MEI4: variants seen among roughly 807,000 people sequenced by gnomAD.
MEI4 encodes the protein meiotic double-stranded break formation protein 4.
In MEI4, 27 loss-of-function variants were observed where a neutral mutation model predicts 31.4. That is an observed-to-expected ratio of 0.86 (90% confidence interval 0.63 to 1.19). The LOEUF (loss-of-function observed/expected upper bound fraction) is 1.19. Ranked by LOEUF, MEI4 falls within the 50% of genes most tolerant of loss-of-function variation. The probability of loss-of-function intolerance (pLI) is 0.00; values close to 1 mark genes in which losing one functional copy is unlikely to be tolerated. For synonymous variants in MEI4, 122 were observed against 145.4 expected (o/e 0.84, Z 1.16); for missense variants, 329 against 398.9 (o/e 0.82, Z 1.49).
At chr6:77,854,552 T>C (rs9341700) in intron 4 of MEI4, among the ~76,000 whole-genome samples, 21,256 of 151,674 alleles carry the variant, frequency 0.14, 1,774 homozygotes, top group East Asian at 0.39. Context: ...GAGATAAAGA[T>C]AAGAAGGAGG....
intron 2 of MEI4, among the ~76,000 whole-genome samples, chr6:77,737,285 GTT>G (rs1767275484): frequency 6.6e-6 from 1 of 152,212 alleles, no homozygotes; most frequent in Non-Finnish European, 1.5e-5. Context: ...GTTTAGAATT[GTT>G]TGGGAGAGGG....
chr6:77,704,283 G>T (rs923902458), intron 2 of MEI4, among the ~76,000 whole-genome samples: 1 of 152,040 alleles, frequency 6.6e-6, no homozygotes, highest in Non-Finnish European at 1.5e-5. Context: ...AGAAATCTGT[G>T]TCCTGGCCCC....
At chr6:77,775,048 A>T (rs1768404145) in intron 3 of MEI4, among the ~76,000 whole-genome samples, 1 of 151,938 alleles carries the variant, frequency 6.6e-6, no homozygotes, top group African/African-American at 2.4e-5. Flanking sequence ...TCTTCACATA[A>T]TCTCCACCAT....
At chr6:77,911,986 T>C (rs1026839647) in intron 4 of MEI4, among the ~76,000 whole-genome samples, 4 of 151,970 alleles carry the variant, frequency 2.6e-5, no homozygotes, top group Non-Finnish European at 4.4e-5. Context: ...CTTTAATTGA[T>C]CTTGAGTTGA....
intron 2 of MEI4, among the ~76,000 whole-genome samples, chr6:77,744,424 G>C (rs1183246685): frequency 1.3e-5 from 2 of 152,038 alleles, no homozygotes; most frequent in Non-Finnish European, 2.9e-5. Flanking sequence ...AGAGAAAAAA[G>C]AATAAAAAGA....
intron 3 of MEI4, among the ~76,000 whole-genome samples, chr6:77,771,064 C>A (rs1228309541): frequency 1.3e-5 from 2 of 151,828 alleles, no homozygotes; most frequent in Non-Finnish European, 2.9e-5. Context: ...TATCCAGAGC[C>A]TATAAGGAAC....
chr6:77,677,035 T>C (rs1444503367), intron 1 of MEI4, among the ~76,000 whole-genome samples: 2 of 152,182 alleles, frequency 1.3e-5, no homozygotes, highest in Non-Finnish European at 2.9e-5. Flanking sequence ...TAATGGTCTA[T>C]AGAGAGGCAA....
At chr6:77,907,487 A>G (rs1361040866) in intron 4 of MEI4, among the ~76,000 whole-genome samples, 1 of 152,168 alleles carries the variant, frequency 6.6e-6, no homozygotes, top group Non-Finnish European at 1.5e-5. Flanking sequence ...TTACAGCTGC[A>G]TAGTATTCCA....
intron 2 of MEI4, among the ~76,000 whole-genome samples, chr6:77,735,300 T>G (rs1164257187): frequency 6.6e-6 from 1 of 151,918 alleles, no homozygotes; most frequent in Non-Finnish European, 1.5e-5. Context: ...TCTTTTCACA[T>G]AGTCCCATAT....
chr6:77,889,356 G>A (rs573044274), intron 4 of MEI4, among the ~76,000 whole-genome samples: 140 of 152,288 alleles, frequency 9.2e-4, no homozygotes, highest in Non-Finnish European at 1.7e-3. Flanking sequence ...CTCATATGGA[G>A]ATGAGGAACT....
intron 4 of MEI4, among the ~76,000 whole-genome samples, chr6:77,854,430 CTTT>C (rs35183582): frequency 2.1e-5 from 3 of 142,380 alleles, no homozygotes; most frequent in African/African-American, 2.5e-5. Context: ...TTATAGATGC[CTTT>C]TTTTTTTTTT....
At chr6:77,821,799 C>CAAAAAAA (rs34905460) in intron 3 of MEI4, among the ~76,000 whole-genome samples, 1 of 93,066 alleles carries the variant, frequency 1.1e-5, no homozygotes, top group African/African-American at 4.3e-5. Flanking sequence ...GCCATCTCTC[C>CAAAAAAA]AAAAAAAAAA....
intron 2 of MEI4, among the ~76,000 whole-genome samples, chr6:77,742,410 A>C (rs1488292288): frequency 6.6e-6 from 1 of 152,024 alleles, no homozygotes; most frequent in African/African-American, 2.4e-5. Context: ...TTGGCTGCAT[A>C]AATGTCTTCT....
chr6:77,918,619 G>T (rs1379033091), intron 4 of MEI4, among the ~76,000 whole-genome samples: 1 of 151,578 alleles, frequency 6.6e-6, no homozygotes, highest in African/African-American at 2.4e-5. Flanking sequence ...CATTGATTTT[G>T]TATCCTGAGA....
intron 3 of MEI4, among the ~76,000 whole-genome samples, chr6:77,827,136 A>C (rs1449524543): frequency 1.3e-5 from 2 of 152,030 alleles, no homozygotes; most frequent in Non-Finnish European, 2.9e-5. Context: ...CAAGGCGGGC[A>C]GATCACGAGG....
intron 3 of MEI4, among the ~76,000 whole-genome samples, chr6:77,777,372 G>A (rs1257701690): frequency 1.3e-5 from 2 of 152,224 alleles, no homozygotes; most frequent in East Asian, 3.9e-4. Flanking sequence ...CCAGGTGCTA[G>A]AATATAAAAT....
chr6:77,904,287 A>T (rs1409302601), intron 4 of MEI4, among the ~76,000 whole-genome samples: 2 of 151,718 alleles, frequency 1.3e-5, no homozygotes, highest in African/African-American at 4.9e-5. Flanking sequence ...AGCTGATAAC[A>T]ACGTAGCTTT....
At chr6:77,700,575 C>T (rs1329277611) in intron 2 of MEI4, among the ~76,000 whole-genome samples, 1 of 152,188 alleles carries the variant, frequency 6.6e-6, no homozygotes, top group African/African-American at 2.4e-5. Flanking sequence ...TGCTTCGGCT[C>T]ACATACGGTG....
chr6:77,849,560 CGTT>C (rs1770567433), intron 4 of MEI4, among the ~76,000 whole-genome samples: 1 of 152,064 alleles, frequency 6.6e-6, no homozygotes, highest in Non-Finnish European at 1.5e-5. Flanking sequence ...TTTATATAAG[CGTT>C]AGTTTCTTTT....
Sources: gnomAD v4.1 joint callset for allele counts (sites outside exome capture counted in the v4.1 genomes callset) on GRCh38, gnomAD v4.1.1 for gene constraint, MANE v1.5 for transcripts, NCBI Gene and HGNC (gene_info 2026-07-23, HGNC 2026-07-21) for gene names.